MARCHF1: variants seen among roughly 807,000 people sequenced by gnomAD.
The protein encoded by MARCHF1 is E3 ubiquitin-protein ligase MARCHF1.
Under a neutral mutation model 54.2 loss-of-function variants are expected in MARCHF1, and 40 were observed. The observed-to-expected ratio is 0.74, with a 90% CI of 0.57 to 0.96. The LOEUF is 0.96. Among genes scored for constraint, MARCHF1 ranks in the 40% least tolerant of loss-of-function variants. MARCHF1 has a pLI of 0.00. For synonymous variants in MARCHF1, 236 were observed against 236.3 expected (o/e 1.00, Z 0.01); for missense variants, 586 against 656.5 (o/e 0.89, Z 1.17).
intron 1 of MARCHF1, among the ~76,000 whole-genome samples, chr4:164,356,266 G>A (rs1161007569): frequency 1.5e-4 from 18 of 117,996 alleles, no homozygotes; most frequent in African/African-American, 5.1e-4. Flanking sequence ...CCATTACTGG[G>A]TATATACCCA....
chr4:163,971,771 A>C (rs891909933), intron 3 of MARCHF1, among the ~76,000 whole-genome samples: 1 of 152,208 alleles, frequency 6.6e-6, no homozygotes, highest in Non-Finnish European at 1.5e-5. Context: ...GATATATTGG[A>C]GAGCTGCTAA....
intron 4 of MARCHF1, among the ~76,000 whole-genome samples, chr4:163,783,896 A>C (rs1747539773): frequency 6.6e-6 from 1 of 152,324 alleles, no homozygotes; most frequent in South Asian, 2.1e-4. Flanking sequence ...CTTGGTTGGC[A>C]CTTGCTATGT....
At chr4:163,803,265 C>T (rs1248039250) in intron 4 of MARCHF1, among the ~76,000 whole-genome samples, 1 of 152,106 alleles carries the variant, frequency 6.6e-6, no homozygotes, top group African/African-American at 2.4e-5. Context: ...CCTCTGCCTC[C>T]CGGGTTCAAG....
chr4:164,381,305 C>T (rs1731363526), intron 1 of MARCHF1, among the ~76,000 whole-genome samples: 1 of 152,152 alleles, frequency 6.6e-6, no homozygotes, highest in Non-Finnish European at 1.5e-5. Context: ...CACTATTTTA[C>T]TCCATGTGGT....
At chr4:163,730,445 A>C (rs951108460) in intron 4 of MARCHF1, among the ~76,000 whole-genome samples, 8 of 152,000 alleles carry the variant, frequency 5.3e-5, no homozygotes, top group Admixed American at 4.6e-4. Context: ...GTACTTTTTC[A>C]TTTATTTTTA....
At chr4:163,911,906 G>C (rs1240523045) in intron 3 of MARCHF1, among the ~76,000 whole-genome samples, 1 of 152,088 alleles carries the variant, frequency 6.6e-6, no homozygotes, top group African/African-American at 2.4e-5. Flanking sequence ...AGAAAATAAA[G>C]TTCTGTTGTT....
chr4:164,238,328 A>G (rs534119565), intron 1 of MARCHF1, among the ~76,000 whole-genome samples: 1 of 152,184 alleles, frequency 6.6e-6, no homozygotes, highest in South Asian at 2.1e-4. Flanking sequence ...AAAAAACAAT[A>G]GTAAATCCAT....
At chr4:164,207,015 T>C (rs1409364188) in intron 1 of MARCHF1, among the ~76,000 whole-genome samples, 3 of 152,162 alleles carry the variant, frequency 2.0e-5, no homozygotes, top group African/African-American at 7.2e-5. Context: ...ACAGGGGATA[T>C]TGACTGAGAA....
intron 4 of MARCHF1, among the ~76,000 whole-genome samples, chr4:163,787,651 G>A (rs966845417): frequency 6.6e-6 from 1 of 151,846 alleles, no homozygotes; most frequent in African/African-American, 2.4e-5. Flanking sequence ...CAGTCACTAT[G>A]GAAAATGGTA....
chr4:163,865,261 T>C (rs765726902), intron 3 of MARCHF1, among the ~76,000 whole-genome samples: 12 of 151,942 alleles, frequency 7.9e-5, no homozygotes, highest in Non-Finnish European at 1.2e-4. Context: ...TTAAAGTGTC[T>C]GAGTAAAATA....
At chr4:163,993,547 T>C (rs185479106) in intron 2 of MARCHF1, among the ~76,000 whole-genome samples, 44 of 152,158 alleles carry the variant, frequency 2.9e-4, no homozygotes, top group Non-Finnish European at 4.9e-4. Flanking sequence ...GATTACAACA[T>C]AGCCAAGACA....
chr4:164,075,958 C>T lies in MARCHF1; in HGVS notation c.-248+35630G>A, dbSNP rs567719612. ...TGACTGTCTATCATATAGATTTGTACCCAAATTCATGTCAACAGGATGACT... is the reference window on the plus strand; with the variant it reads ...TGACTGTCTATCATATAGATTTGTATCCAAATTCATGTCAACAGGATGACT... On this transcript the variant is annotated intron_variant, in intron 2 of 9. Transcript: ENST00000514618. 4.6e-5 allele frequency among the ~76,000 whole-genome samples: 7 copies of T among 152,184 alleles called. No homozygotes were observed. In the South Asian group the frequency reaches 1.0e-3, roughly 23 times the overall value.
intron 3 of MARCHF1, among the ~76,000 whole-genome samples, chr4:163,953,637 A>G (rs550094107): frequency 3.3e-5 from 5 of 152,258 alleles, no homozygotes; most frequent in South Asian, 2.1e-4. Context: ...CATATACTCA[A>G]TGTCTTACAG....
At chr4:163,657,594 T>A (rs1342081429) in intron 5 of MARCHF1, among the ~76,000 whole-genome samples, 1 of 151,818 alleles carries the variant, frequency 6.6e-6, no homozygotes, top group Non-Finnish European at 1.5e-5. Context: ...AAGGAGCTCA[T>A]ATAGCCAAGA....
At chr4:163,638,024 T>C (rs1360134883) in intron 5 of MARCHF1, among the ~76,000 whole-genome samples, 1 of 142,944 alleles carries the variant, frequency 7.0e-6, no homozygotes, top group Non-Finnish European at 1.5e-5. Context: ...TTCTCACTCA[T>C]AGGTGGGAAT....
rs1214982723 is a variant in MARCHF1 at position 163,845,237 on chromosome 4, G to T, written c.111+8784C>A. The stretch of plus-strand genomic sequence containing the variant: ...ATTTATTTCACTTGTCTTTTACATG[G>T]AAACAGCTCTGGAATATAGTCCTAT... On this transcript the variant is annotated intron_variant, in intron 4 of 9. Transcript: ENST00000514618. Among the ~76,000 whole-genome samples the T allele has an allele frequency of 2.0e-5, 3 of 152,028 alleles. No individual in the cohort carries two copies. In the East Asian group the frequency reaches 5.8e-4, roughly 29 times the overall value.
intron 5 of MARCHF1, among the ~76,000 whole-genome samples, chr4:163,677,756 G>A (rs1022063660): frequency 5.3e-5 from 8 of 152,022 alleles, no homozygotes; most frequent in African/African-American, 1.7e-4. Flanking sequence ...TCTACCTCTC[G>A]CACATTTAAA....
In MARCHF1 at chr4:164,363,605, G is replaced by T. The variant is rs553350049; in HGVS notation, c.-323+20265C>A. 9.5e-4 allele frequency among the ~76,000 whole-genome samples: 145 copies of T among 152,110 alleles called. 1 individual carries two copies. Among genetic ancestry groups the T allele is most frequent in the East Asian group, 1.5e-3 (8 of 5,172 alleles). On this transcript the variant is annotated intron_variant, in intron 1 of 9. Transcript: ENST00000514618. ...AGGTAGCTCCTGGCCATAAATTTTTGGGGGGAAAAAGGACAAAACAGAAAT... is the reference window on the plus strand; with the variant it reads ...AGGTAGCTCCTGGCCATAAATTTTTTGGGGGAAAAAGGACAAAACAGAAAT...
intron 2 of MARCHF1, among the ~76,000 whole-genome samples, chr4:164,097,480 G>T (rs1026786066): frequency 6.6e-6 from 1 of 152,088 alleles, no homozygotes; most frequent in Non-Finnish European, 1.5e-5. Flanking sequence ...ACTCATTAGA[G>T]TTTCAAAATT....
Sources: gnomAD v4.1 joint callset for allele counts (sites outside exome capture counted in the v4.1 genomes callset) on GRCh38, gnomAD v4.1.1 for gene constraint, MANE v1.5 for transcripts, NCBI Gene and HGNC (gene_info 2026-07-23, HGNC 2026-07-21) for gene names.